The following TPRG1 variants were observed in gnomAD, a reference collection of about 807,000 sequenced individuals.
The protein encoded by TPRG1 is tumor protein p63 regulated 1, also known as tumor protein p63-regulated gene 1 protein.
Under a neutral mutation model 29.3 loss-of-function variants are expected in TPRG1, and 29 were observed. The ratio of observed to expected loss-of-function variants is 0.99; its 90% CI spans 0.74 to 1.35. The LOEUF is 1.35. TPRG1 is among the 40% of genes most tolerant of loss of function. TPRG1 has a pLI of 0.00. For synonymous variants in TPRG1, 130 were observed against 116.8 expected (o/e 1.11, Z -0.73); for missense variants, 327 against 335.0 (o/e 0.98, Z 0.19).
chr3:189,203,858 G>A (rs1398619278), intron 1 of TPRG1, among the ~76,000 whole-genome samples: 1 of 151,960 alleles, frequency 6.6e-6, no homozygotes, highest in Non-Finnish European at 1.5e-5. Flanking sequence ...TGGCCAACAT[G>A]GTGAAACTCT....
At chr3:189,290,949 C>T (rs1391226638) in intron 4 of TPRG1, among the ~76,000 whole-genome samples, 1 of 152,152 alleles carries the variant, frequency 6.6e-6, no homozygotes, top group African/African-American at 2.4e-5. Flanking sequence ...GTCACCCAGG[C>T]TGGAGTGCAG....
chr3:189,226,529 A>G (rs1737745552), intron 3 of TPRG1, among the ~76,000 whole-genome samples: 1 of 152,146 alleles, frequency 6.6e-6, no homozygotes, highest in Non-Finnish European at 1.5e-5. Flanking sequence ...CAGTGCTGAA[A>G]GTGGAATTTA....
intron 4 of TPRG1, among the ~76,000 whole-genome samples, chr3:189,274,467 A>T (rs1253519916): frequency 1.3e-5 from 2 of 152,150 alleles, no homozygotes; most frequent in African/African-American, 4.8e-5. Flanking sequence ...TATTGTACAG[A>T]ACTTAAATAA....
intron 3 of TPRG1, among the ~76,000 whole-genome samples, chr3:189,015,994 A>C (rs1346474305): frequency 6.6e-6 from 1 of 152,106 alleles, no homozygotes; most frequent in East Asian, 1.9e-4. Context: ...TGTGAGAAGA[A>C]GGCTACCATC....
chr3:189,217,268 C>A (rs1296148738), intron 3 of TPRG1, among the ~76,000 whole-genome samples: 1 of 152,110 alleles, frequency 6.6e-6, no homozygotes, highest in African/African-American at 2.4e-5. Context: ...CAGCTGTCCC[C>A]CAAAGAGCCA....
intron 5 of TPRG1, among the ~76,000 whole-genome samples, chr3:189,157,629 C>T (rs923604988): frequency 2.6e-5 from 4 of 152,132 alleles, no homozygotes; most frequent in Admixed American, 6.5e-5. Context: ...AAGAAGGAAG[C>T]GATTCATCTG....
At chr3:189,143,876 G>T (rs1252801847) in intron 3 of TPRG1, among the ~76,000 whole-genome samples, 1 of 152,070 alleles carries the variant, frequency 6.6e-6, no homozygotes, top group African/African-American at 2.4e-5. Flanking sequence ...GAAGACTGGG[G>T]GCTTGAAGCT....
At chr3:189,227,243 G>C (rs1447252895) in intron 3 of TPRG1, among the ~76,000 whole-genome samples, 1 of 152,114 alleles carries the variant, frequency 6.6e-6, no homozygotes, top group South Asian at 2.1e-4. Context: ...CAGAAGGACT[G>C]CCTGAGCCCA....
At chr3:189,192,523 T>C (rs1731849408) in intron 1 of TPRG1, among the ~76,000 whole-genome samples, 1 of 152,144 alleles carries the variant, frequency 6.6e-6, no homozygotes, top group Non-Finnish European at 1.5e-5. Context: ...TAGGCAAAAA[T>C]TGAAAAGAGT....
chr3:189,106,032 A>C (rs540449903), intron 1 of TPRG1, among the ~76,000 whole-genome samples: 2 of 152,272 alleles, frequency 1.3e-5, no homozygotes, highest in Admixed American at 1.3e-4. Context: ...CATCCTGCAC[A>C]TGTACCTAGG....
At chr3:189,069,199 C>T (rs73048773) in intron 4 of TPRG1, among the ~76,000 whole-genome samples, 12,697 of 152,212 alleles carry the variant, frequency 0.083, 743 homozygotes, top group African/African-American at 0.16. Flanking sequence ...ATGTGTACAA[C>T]AGCCTGGATA....
chr3:189,203,801 G>A (rs1046608636), intron 1 of TPRG1, among the ~76,000 whole-genome samples: 2 of 152,066 alleles, frequency 1.3e-5, no homozygotes, highest in South Asian at 4.1e-4. Context: ...CAGGACTTTG[G>A]GAGACTGAGG....
intron 4 of TPRG1, among the ~76,000 whole-genome samples, chr3:189,087,324 C>T (rs79455851): frequency 2.0e-5 from 3 of 152,322 alleles, no homozygotes; most frequent in African/African-American, 7.2e-5. Flanking sequence ...AGTGTCTGTT[C>T]ATATCCTTTG....
chr3:189,013,420 A>G (rs2152123138), intron 3 of TPRG1, among the ~76,000 whole-genome samples: 1 of 152,232 alleles, frequency 6.6e-6, no homozygotes, highest in African/African-American at 2.4e-5. Context: ...GCATTTGCTG[A>G]GGAGTGTTTC....
At chr3:189,249,271 T>C (rs1267229952) in intron 4 of TPRG1, among the ~76,000 whole-genome samples, 1 of 151,856 alleles carries the variant, frequency 6.6e-6, no homozygotes, top group Non-Finnish European at 1.5e-5. Flanking sequence ...AATGGTGATA[T>C]TGTATTTTTT....
At chr3:189,049,302 GT>G (rs939462748) in intron 4 of TPRG1, among the ~76,000 whole-genome samples, 1 of 152,194 alleles carries the variant, frequency 6.6e-6, no homozygotes, top group African/African-American at 2.4e-5. Context: ...GCTGTGGGTA[GT>G]GGGGGCATAG....
chr3:189,020,565 T>G (rs1713240838), intron 3 of TPRG1, among the ~76,000 whole-genome samples: 1 of 151,188 alleles, frequency 6.6e-6, no homozygotes, highest in Admixed American at 6.6e-5. Context: ...TAATCCTGAG[T>G]TCTAGTTTGA....
intron 1 of TPRG1, among the ~76,000 whole-genome samples, chr3:189,124,601 T>C (rs762855816): frequency 2.0e-5 from 3 of 151,924 alleles, no homozygotes; most frequent in Admixed American, 6.6e-5. Flanking sequence ...TATATTAATA[T>C]AGCTTTTCTT....
chr3:189,208,571 AGT>A (rs888252474), intron 2 of TPRG1, among the ~76,000 whole-genome samples: 1 of 151,832 alleles, frequency 6.6e-6, no homozygotes, highest in Non-Finnish European at 1.5e-5. Flanking sequence ...CAACTTAACG[AGT>A]GTGTGTGTGT....
Sources: gnomAD v4.1 joint callset for allele counts (sites outside exome capture counted in the v4.1 genomes callset) on GRCh38, gnomAD v4.1.1 for gene constraint, MANE v1.5 for transcripts, NCBI Gene and HGNC (gene_info 2026-07-23, HGNC 2026-07-21) for gene names.